Variants in DGKG observed in about 807,000 individuals in gnomAD.
DGKG encodes the protein DAG kinase gamma.
Under a neutral mutation model 105.3 loss-of-function variants are expected in DGKG, and 78 were observed. That is an observed-to-expected ratio of 0.74 (90% CI 0.62 to 0.89). DGKG has a LOEUF of 0.89. Ranked by LOEUF, DGKG falls within the 40% of genes least tolerant of loss-of-function variation. The pLI is 0.00. For missense variants in DGKG, 958 were observed against 1,020.1 expected (o/e 0.94, Z 0.83); for synonymous variants, 346 against 367.1 (o/e 0.94, Z 0.66).
chr3:186,173,814 C>A (rs1051535758), intron 22 of DGKG, among the ~76,000 whole-genome samples: 1 of 152,266 alleles, frequency 6.6e-6, no homozygotes, highest in Admixed American at 6.5e-5. Context: ...GGCAAGGGGA[C>A]TGGGGTTCCC....
At chr3:186,214,945 G>C (rs1411882774) in intron 20 of DGKG, among the ~76,000 whole-genome samples, 4 of 152,306 alleles carry the variant, frequency 2.6e-5, no homozygotes, top group Admixed American at 1.3e-4. Flanking sequence ...GGAAGGTGGA[G>C]AAAGAGCATT....
In DGKG at chr3:186,226,755, A is replaced by G. The variant is rs1719878559; in HGVS notation, c.1827-14870T>C. ...AAGGCCCACTTTCAGGATTAAAGGGACACTCCATTTAACAGAATAGAAAAC... is the reference window on the plus strand; with the variant it reads ...AAGGCCCACTTTCAGGATTAAAGGGGCACTCCATTTAACAGAATAGAAAAC... On this transcript the variant is annotated intron_variant, in intron 20 of 24. Transcript: ENST00000265022. The surrounding 1 kb of genome is among the most constrained non-coding windows in gnomAD (Gnocchi z 4.2). Among the ~76,000 whole-genome samples, 2 of 152,218 alleles carry G rather than the reference A, an allele frequency of 1.3e-5. No individual in the cohort carries two copies. The highest frequency in any genetic ancestry group is 4.8e-5 in the African/African-American group (2 of 41,460).
chr3:186,253,561 T>G (rs1348547788), intron 17 of DGKG, among the ~76,000 whole-genome samples: 1 of 152,222 alleles, frequency 6.6e-6, no homozygotes, highest in Admixed American at 6.5e-5. Flanking sequence ...AGCCTAACTT[T>G]GTAAGGGATT....
chr3:186,269,041 G>A, intron 11 of DGKG, 124 bp from the exon 12 acceptor site: 2 of 668,652 alleles, frequency 3.0e-6, no homozygotes, highest in Non-Finnish European at 5.3e-6. Context: ...CCTATTTAGA[G>A]GATGCTTATT....
At chr3:186,229,245 CTTT>C (rs536690937) in intron 20 of DGKG, among the ~76,000 whole-genome samples, 1 of 144,584 alleles carries the variant, frequency 6.9e-6, no homozygotes, top group Non-Finnish European at 1.5e-5. Flanking sequence ...AGACTTGTAG[CTTT>C]TTTTTTTTTT....
At chr3:186,166,331 A>G (rs929759212) in intron 22 of DGKG, among the ~76,000 whole-genome samples, 10 of 152,128 alleles carry the variant, frequency 6.6e-5, no homozygotes, top group African/African-American at 1.9e-4. Flanking sequence ...CCCCCTCTAC[A>G]TCTACTGACA....
intron 3 of DGKG, among the ~76,000 whole-genome samples, chr3:186,299,827 T>TTC (rs745398504): frequency 0.037 from 3,959 of 107,422 alleles, 143 homozygotes; most frequent in Middle Eastern, 0.058. Flanking sequence ...CTTTCTTTCT[T>TTC]TCTTTCTTTC....
intron 22 of DGKG, among the ~76,000 whole-genome samples, chr3:186,186,403 G>T (rs1717641364): frequency 6.6e-6 from 1 of 152,200 alleles, no homozygotes; most frequent in Non-Finnish European, 1.5e-5. Context: ...TGTAGCAATG[G>T]TGTTCAAACC....
In DGKG at chr3:186,147,729, A is replaced by G. The variant is rs577291558; in HGVS notation, c.*2361T>C. ...CCTGTTGATAGTGCCATGTCTCAAT[A>G]GCCTCAATCTTGGGGATCATGGCTG... is the stretch of plus-strand genomic sequence containing the variant. On this transcript the variant is annotated 3_prime_UTR_variant, in exon 25 of 25. Coordinates refer to ENST00000265022, the MANE Select transcript of DGKG (RefSeq NM_001346.3). 4.1e-6 allele frequency: 4 copies of G among 985,290 alleles called. No individual in the cohort carries two copies. In the South Asian group the frequency reaches 1.9e-4, roughly 46 times the overall value. 61.0% of individuals were successfully genotyped at this position (985,290 alleles called of 1,614,324 possible). A position where few individuals can be genotyped will look rare whatever the true frequency, so the allele number is the denominator to read the frequency against.
intron 22 of DGKG, among the ~76,000 whole-genome samples, chr3:186,168,846 T>C (rs1185555892): frequency 6.6e-6 from 1 of 152,052 alleles, no homozygotes; most frequent in Non-Finnish European, 1.5e-5. Flanking sequence ...TGAGACTCTG[T>C]CTTAAAACAA....
chr3:186,261,912 G>A, intron 14 of DGKG, 134 bp from the exon 15 acceptor site: 2 of 606,646 alleles, frequency 3.3e-6, no homozygotes, highest in Non-Finnish European at 5.8e-6. Context: ...TTTTCCACTG[G>A]CTGAATTTTC....
intron 20 of DGKG, among the ~76,000 whole-genome samples, chr3:186,215,994 C>T (rs1719271351): frequency 6.6e-6 from 1 of 151,362 alleles, no homozygotes; most frequent in Admixed American, 6.6e-5. Context: ...CCCCACCCCC[C>T]AAACCCCCAT....
In DGKG at chr3:186,226,304, A is replaced by G. The variant is rs1719856064; in HGVS notation, c.1827-14419T>C. Among the ~76,000 whole-genome samples the G allele has an allele frequency of 1.3e-5, 2 of 152,024 alleles. No individual in the cohort carries two copies. The highest frequency in any genetic ancestry group is 4.8e-5 in the African/African-American group (2 of 41,354). On this transcript the variant is annotated intron_variant, in intron 20 of 24. Coordinates refer to ENST00000265022, the MANE Select transcript of DGKG (RefSeq NM_001346.3). The surrounding 1 kb of genome is among the most constrained non-coding windows in gnomAD (Gnocchi z 4.2). ...TAACCCATCAGCTGTTAACCATTTC[A>G]TTTTTCTTTAGTGCAATTTTTACCA...
intron 2 of DGKG, among the ~76,000 whole-genome samples, chr3:186,309,411 A>ATT (rs950840409): frequency 3.9e-5 from 6 of 152,178 alleles, no homozygotes; most frequent in Non-Finnish European, 7.3e-5. Context: ...ATGGTTAAAG[A>ATT]TTTTTTTGAG....
intron 22 of DGKG, among the ~76,000 whole-genome samples, chr3:186,171,960 A>T (rs983914781): frequency 1.1e-4 from 16 of 151,652 alleles, no homozygotes; most frequent in Admixed American, 9.2e-4. Flanking sequence ...GGTTCAAGAG[A>T]TTCTCCCACC....
chr3:186,148,974 T>TAA lies in DGKG; in HGVS notation c.*1115_*1116insTT, dbSNP rs1210449385. The TAA allele has an allele frequency of 1.1e-4, 83 of 733,316 alleles. 1 individual carries two copies. Among genetic ancestry groups the TAA allele is most frequent in the Non-Finnish European group, 1.2e-4 (75 of 602,840 alleles). The allele number at this position is 733,316 out of a possible 1,614,324, so 45.4% of individuals were successfully genotyped here. A position where few individuals can be genotyped will look rare whatever the true frequency, so the allele number is the denominator to read the frequency against. On this transcript the variant is annotated 3_prime_UTR_variant, in exon 25 of 25. Transcript: ENST00000265022. ...AAATAAATATTTATATATATATATATATAAATATATAGGCTAAATATATAT... is the reference window on the plus strand; with the variant it reads ...AAATAAATATTTATATATATATATATAAATAAATATATAGGCTAAATATATAT...
intron 10 of DGKG, among the ~76,000 whole-genome samples, chr3:186,272,772 G>A (rs181728383): frequency 1.6e-3 from 244 of 152,338 alleles, no homozygotes; most frequent in Admixed American, 5.9e-3. Context: ...AAGCTGGAGT[G>A]CAATGGTGTG....
chr3:186,263,521 C>G lies in DGKG; in HGVS notation c.1269+1726G>C, dbSNP rs533479354. Reference sequence around the variant, plus strand: ...GGCAAAGGTTGCAGTGAGCTGAGATCGCACCATTGCACTCCAGCCTGGGAG... The same window carrying G: ...GGCAAAGGTTGCAGTGAGCTGAGATGGCACCATTGCACTCCAGCCTGGGAG... On this transcript the variant is annotated intron_variant, in intron 14 of 24. Transcript: ENST00000265022. 1.1e-4 allele frequency among the ~76,000 whole-genome samples: 17 copies of G among 152,184 alleles called. No individual in the cohort carries two copies. In the South Asian group the frequency reaches 3.1e-3, roughly 28 times the overall value.
At chr3:186,330,076 A>G (rs1287895753) in intron 1 of DGKG, among the ~76,000 whole-genome samples, 2 of 152,158 alleles carry the variant, frequency 1.3e-5, no homozygotes, top group African/African-American at 2.4e-5. Context: ...ACATGTCCCT[A>G]TAGAGGAGGA....
Sources: allele counts gnomAD v4.1 joint callset (sites outside exome capture counted in the v4.1 genomes callset), GRCh38; gene constraint gnomAD v4.1.1; non-coding constraint Gnocchi (gnomAD v3.1); transcripts MANE v1.5; gene names NCBI Gene and HGNC (gene_info 2026-07-23, HGNC 2026-07-21).